Variants in CSMD1 observed in about 807,000 individuals in gnomAD.
The protein encoded by CSMD1 is CUB and sushi domain-containing protein 1.
In CSMD1, 213 loss-of-function variants were observed where a neutral mutation model predicts 417.5. The ratio of observed to expected loss-of-function variants is 0.51; its 90% confidence interval spans 0.46 to 0.57. The LOEUF (loss-of-function observed/expected upper bound fraction) is 0.57, where lower values mean the gene tolerates loss of function less well. CSMD1 is among the 20% of genes least tolerant of loss of function. The pLI is 0.00. For synonymous variants in CSMD1, 2,862 were observed against 1,736.8 expected (o/e 1.65, Z -16.11); for missense variants, 6,923 against 4,529.7 (o/e 1.53, Z -15.17).
intron 6 of CSMD1, among the ~76,000 whole-genome samples, chr8:3,728,370 T>C (rs192421047): frequency 1.3e-5 from 2 of 152,290 alleles, no homozygotes; most frequent in East Asian, 1.9e-4. Flanking sequence ...CGTTCCTTTA[T>C]CAATTACCCA....
intron 3 of CSMD1, among the ~76,000 whole-genome samples, chr8:4,092,677 T>G (rs1800783307): frequency 6.6e-6 from 1 of 152,188 alleles, no homozygotes; most frequent in Non-Finnish European, 1.5e-5. Context: ...GTAGGTCCTT[T>G]TTCTTGAATA....
chr8:4,229,356 T>C (rs1006474071), intron 3 of CSMD1, among the ~76,000 whole-genome samples: 2 of 152,214 alleles, frequency 1.3e-5, no homozygotes, highest in Non-Finnish European at 1.5e-5. Flanking sequence ...TCCACTTTTG[T>C]GCCATCATCA....
At chr8:4,818,770 C>T (rs1348172105) in intron 1 of CSMD1, among the ~76,000 whole-genome samples, 3 of 152,154 alleles carry the variant, frequency 2.0e-5, no homozygotes, top group Non-Finnish European at 4.4e-5. Flanking sequence ...AGCTACACAT[C>T]GCTTGGTACT....
chr8:4,187,425 T>A (rs1270249059), intron 3 of CSMD1, among the ~76,000 whole-genome samples: 3 of 152,054 alleles, frequency 2.0e-5, no homozygotes, highest in East Asian at 1.9e-4. Flanking sequence ...GGCAGGCAGA[T>A]CACCTGAGGT....
At chr8:3,114,428 AAATAT>A (rs1277788798) in intron 42 of CSMD1, among the ~76,000 whole-genome samples, 5 of 149,648 alleles carry the variant, frequency 3.3e-5, no homozygotes, top group African/African-American at 1.2e-4. Flanking sequence ...ATGAATATAA[AAATAT>A]AATAAATATG....
intron 2 of CSMD1, among the ~76,000 whole-genome samples, chr8:4,533,520 C>T (rs921913839): frequency 6.6e-6 from 1 of 152,132 alleles, no homozygotes; most frequent in Admixed American, 6.5e-5. Context: ...GAACATAGTA[C>T]AGACCTTTTG....
intron 7 of CSMD1, among the ~76,000 whole-genome samples, chr8:3,694,182 G>A (rs994303805): frequency 1.4e-4 from 22 of 152,132 alleles, no homozygotes; most frequent in Admixed American, 4.6e-4. Context: ...CACCAACAAG[G>A]TGAATGTGTC....
Position 4,402,351 on chromosome 8 carries a change from G to C in CSMD1, c.415+17602C>G, listed in dbSNP as rs867736730. On this transcript the variant is annotated intron_variant, in intron 3 of 69. Transcript: ENST00000635120. Reference sequence around the variant, plus strand: ...ACTTCATCATCACACTCCTTCCCCTGACTGCACCCTCAATTCCCTTGTTCC... The same window carrying C: ...ACTTCATCATCACACTCCTTCCCCTCACTGCACCCTCAATTCCCTTGTTCC... Among the ~76,000 whole-genome samples the C allele has an allele frequency of 2.0e-5, 3 of 151,548 alleles. No individual in the cohort carries two copies. In the South Asian group the frequency reaches 6.3e-4, roughly 32 times the overall value.
intron 8 of CSMD1, among the ~76,000 whole-genome samples, chr8:3,610,687 T>C (rs1367053753): frequency 6.6e-6 from 1 of 152,192 alleles, no homozygotes; most frequent in Admixed American, 6.5e-5. Context: ...CTTACTATAA[T>C]GTTTCTTTCT....
chr8:4,371,652 G>C (rs183689954), intron 3 of CSMD1, among the ~76,000 whole-genome samples: 5 of 151,876 alleles, frequency 3.3e-5, no homozygotes, highest in Non-Finnish European at 5.9e-5. Context: ...TCTTTCTTAC[G>C]TCTTAAAGTT....
chr8:3,941,707 GTTAT>G (rs979426124), intron 5 of CSMD1, among the ~76,000 whole-genome samples: 5 of 152,110 alleles, frequency 3.3e-5, no homozygotes, highest in African/African-American at 9.7e-5. Flanking sequence ...TTTCCCAGAT[GTTAT>G]TTATTTATTT....
intron 7 of CSMD1, among the ~76,000 whole-genome samples, chr8:3,701,732 G>A (rs558174980): frequency 2.6e-5 from 4 of 152,228 alleles, no homozygotes; most frequent in African/African-American, 9.6e-5. Flanking sequence ...ACACTCTACA[G>A]TTATAATTAC....
intron 2 of CSMD1, among the ~76,000 whole-genome samples, chr8:4,636,415 T>C (rs1171321332): frequency 6.6e-6 from 1 of 152,320 alleles, no homozygotes; most frequent in East Asian, 1.9e-4. Flanking sequence ...TGTACCATTA[T>C]TGTCTAAACC....
intron 5 of CSMD1, among the ~76,000 whole-genome samples, chr8:3,911,661 C>T (rs560337101): frequency 3.9e-4 from 60 of 152,228 alleles, no homozygotes; most frequent in African/African-American, 1.4e-3. Flanking sequence ...ACCTCTTTCA[C>T]ATGTCATTGC....
chr8:3,997,798 G>A (rs1585104195), intron 5 of CSMD1, 105 bp downstream of exon 5: 3 of 1,007,044 alleles, frequency 3.0e-6, no homozygotes, highest in East Asian at 2.6e-5. Context: ...GAACACACAT[G>A]CTTGCCCATG....
intron 52 of CSMD1, among the ~76,000 whole-genome samples, chr8:3,011,791 T>C (rs887314226): frequency 2.0e-5 from 3 of 152,208 alleles, no homozygotes; most frequent in East Asian, 1.9e-4. Context: ...AATATGAATG[T>C]GGGATTCTGT....
chr8:4,508,228 T>G (rs745528052), intron 2 of CSMD1, among the ~76,000 whole-genome samples: 8 of 151,800 alleles, frequency 5.3e-5, no homozygotes, highest in Non-Finnish European at 8.8e-5. Context: ...CATACTCAGT[T>G]CATTTAACAA....
intron 1 of CSMD1, among the ~76,000 whole-genome samples, chr8:4,894,926 G>A (rs1474984606): frequency 6.6e-6 from 1 of 152,154 alleles, no homozygotes; most frequent in Non-Finnish European, 1.5e-5. Flanking sequence ...AGGACACTTT[G>A]AAACATAAGG....
intron 21 of CSMD1, among the ~76,000 whole-genome samples, chr8:3,350,855 T>A (rs967670647): frequency 7.6e-4 from 115 of 152,096 alleles, no homozygotes; most frequent in Non-Finnish European, 1.3e-3. Flanking sequence ...GGATTTTTTT[T>A]AAAAAAAGCA....
Sources: gnomAD v4.1 joint callset for allele counts (sites outside exome capture counted in the v4.1 genomes callset) on GRCh38, gnomAD v4.1.1 for gene constraint, MANE v1.5 for transcripts, NCBI Gene and HGNC (gene_info 2026-07-23, HGNC 2026-07-21) for gene names.